NREP: variants seen among roughly 807,000 people sequenced by gnomAD.
NREP encodes neuronal regeneration-related protein.
In NREP, 5 loss-of-function variants were observed where a neutral mutation model predicts 8.6. That is an observed-to-expected ratio of 0.58 (90% CI 0.30 to 1.22). The LOEUF is 1.22. NREP is among the 50% of genes most tolerant of loss of function. The probability of loss-of-function intolerance (pLI) is 0.07; values close to 1 mark genes in which losing one functional copy is unlikely to be tolerated. For missense variants in NREP, 86 were observed against 82.5 expected (o/e 1.04, Z -0.17); for synonymous variants, 27 against 28.0 (o/e 0.96, Z 0.11).
intron 2 of NREP, among the ~76,000 whole-genome samples, chr5:111,953,020 C>T (rs1485655128): frequency 6.6e-6 from 1 of 152,040 alleles, no homozygotes; most frequent in African/African-American, 2.4e-5. Context: ...ATCACATGTA[C>T]CTGTCAAATT....
rs191477151 is a variant in NREP, at chr5:111,961,988, G to A, written c.135+13286C>T. 9.9e-5 allele frequency among the ~76,000 whole-genome samples: 15 copies of A among 152,262 alleles called. No individual in the cohort carries two copies. In the East Asian group the frequency reaches 2.9e-3, roughly 29 times the overall value. On this transcript the variant is annotated intron_variant, in intron 2 of 3. Coordinates refer to the NREP transcript ENST00000395634. ...AAACTGAGATGATCATTTAAAAAGG[G>A]AAGTCCTGCTTTCTTTCAATTCAGG...
At chr5:111,887,351 G>A (rs887878503) in intron 2 of NREP, among the ~76,000 whole-genome samples, 4 of 152,292 alleles carry the variant, frequency 2.6e-5, no homozygotes, top group South Asian at 2.1e-4. Context: ...TTGGGTAAGC[G>A]TATTTCCAGG....
chr5:111,833,024 A>G (rs1324159881), intron 2 of NREP, among the ~76,000 whole-genome samples: 1 of 152,222 alleles, frequency 6.6e-6, no homozygotes, highest in Non-Finnish European at 1.5e-5. Flanking sequence ...ATGATTACAA[A>G]TAAGAATTAC....
chr5:111,874,076 A>G (rs1456619972), intron 2 of NREP, among the ~76,000 whole-genome samples: 1 of 152,082 alleles, frequency 6.6e-6, no homozygotes, highest in Non-Finnish European at 1.5e-5. Context: ...GTTGATAGGG[A>G]GATTGGACAC....
intron 2 of NREP, among the ~76,000 whole-genome samples, chr5:111,804,580 T>C (rs966265194): frequency 9.2e-5 from 14 of 152,164 alleles, no homozygotes; most frequent in African/African-American, 3.4e-4. Flanking sequence ...GAAAATAATT[T>C]GTCCAAAAAT....
chr5:111,828,284 A>G (rs958303322), intron 2 of NREP, among the ~76,000 whole-genome samples: 1 of 152,270 alleles, frequency 6.6e-6, no homozygotes, highest in African/African-American at 2.4e-5. Context: ...CCGCCTCAGC[A>G]TCCCAAAGTG....
At chr5:111,780,212 C>T (rs1007476480) in intron 2 of NREP, among the ~76,000 whole-genome samples, 3 of 152,180 alleles carry the variant, frequency 2.0e-5, no homozygotes, top group African/African-American at 2.4e-5. Context: ...CAAGAGTGAC[C>T]CTCAGATTTA....
intron 2 of NREP, among the ~76,000 whole-genome samples, chr5:111,835,665 A>ATT (rs1752875898): frequency 6.6e-6 from 1 of 152,156 alleles, no homozygotes; most frequent in Admixed American, 6.6e-5. Flanking sequence ...GGTTACTTGT[A>ATT]ACCTTAAAGG....
chr5:111,923,671 G>C (rs895842147), intron 2 of NREP, among the ~76,000 whole-genome samples: 1 of 152,166 alleles, frequency 6.6e-6, no homozygotes, highest in African/African-American at 2.4e-5. Context: ...AGGCAGGCTG[G>C]CTATCCTTTA....
In NREP at chr5:111,752,499, T is replaced by C. The variant is rs778909330; in HGVS notation, c.3+3271A>G. Among the ~76,000 whole-genome samples, 14 of 152,318 alleles carry C rather than the reference T, an allele frequency of 9.2e-5. No individual in the cohort carries two copies. In the South Asian group the frequency reaches 1.2e-3, roughly 14 times the overall value. The stretch of plus-strand genomic sequence containing the variant: ...ATTCTAAGCCCAATGGTACAAGCTA[T>C]GAATAGGACCGCATCCCTCCCCAAT... On this transcript the variant is annotated intron_variant, in intron 2 of 3. Coordinates refer to ENST00000257435, the MANE Select transcript of NREP (RefSeq NM_004772.4).
intron 2 of NREP, among the ~76,000 whole-genome samples, chr5:111,840,438 G>T (rs959910972): frequency 2.6e-5 from 4 of 152,098 alleles, no homozygotes; most frequent in African/African-American, 9.7e-5. Context: ...AAAAGAATCA[G>T]AAATATTGGC....
intron 2 of NREP, among the ~76,000 whole-genome samples, chr5:111,973,302 G>T (rs1432551059): frequency 6.6e-6 from 1 of 152,068 alleles, no homozygotes; most frequent in African/African-American, 2.4e-5. Context: ...TTCTTATTAA[G>T]ATGAAACCTA....
intron 2 of NREP, among the ~76,000 whole-genome samples, chr5:111,825,060 C>T (rs996876822): frequency 1.3e-5 from 2 of 152,154 alleles, no homozygotes; most frequent in African/African-American, 4.8e-5. Flanking sequence ...TGATGTATTA[C>T]AGCTAAAAAG....
intron 2 of NREP, among the ~76,000 whole-genome samples, chr5:111,815,215 A>G (rs181346753): frequency 4.6e-5 from 7 of 152,264 alleles, no homozygotes; most frequent in Non-Finnish European, 5.9e-5. Context: ...ATGCCTGGTA[A>G]ATATTCAGGC....
At chr5:111,774,352 A>G (rs1751309962) in intron 2 of NREP, among the ~76,000 whole-genome samples, 1 of 152,180 alleles carries the variant, frequency 6.6e-6, no homozygotes, top group Non-Finnish European at 1.5e-5. Flanking sequence ...AGATGTCCAC[A>G]TTCTATCTCT....
intron 2 of NREP, among the ~76,000 whole-genome samples, chr5:111,804,773 G>A (rs1040487901): frequency 2.0e-5 from 3 of 151,918 alleles, no homozygotes; most frequent in East Asian, 1.9e-4. Flanking sequence ...AGGCCGAGGC[G>A]GGCGGATCAC....
At chr5:111,860,004 C>T (rs1297897466) in intron 2 of NREP, among the ~76,000 whole-genome samples, 1 of 152,172 alleles carries the variant, frequency 6.6e-6, no homozygotes, top group Non-Finnish European at 1.5e-5. Context: ...ACTCTGGAGC[C>T]TTCCTTATGA....
chr5:111,926,501 G>A (rs1237304676), intron 2 of NREP, among the ~76,000 whole-genome samples: 1 of 152,044 alleles, frequency 6.6e-6, no homozygotes, highest in Non-Finnish European at 1.5e-5. Flanking sequence ...TCCATCTACA[G>A]AAAAGATCTA....
intron 2 of NREP, among the ~76,000 whole-genome samples, chr5:111,856,034 A>G (rs931872792): frequency 2.6e-5 from 4 of 152,154 alleles, no homozygotes; most frequent in African/African-American, 9.7e-5. Context: ...CACCAGCTGG[A>G]GAGGCCTCTC....
Sources: gnomAD v4.1 joint callset for allele counts (sites outside exome capture counted in the v4.1 genomes callset) on GRCh38, gnomAD v4.1.1 for gene constraint, MANE v1.5 for transcripts, NCBI Gene and HGNC (gene_info 2026-07-23, HGNC 2026-07-21) for gene names.